The following TAFA2 variants were observed in gnomAD, a reference collection of about 807,000 sequenced individuals.
TAFA2 encodes the protein TAFA chemokine like family member 2.
Under a neutral mutation model 18.8 loss-of-function variants are expected in TAFA2, and 7 were observed. That is an observed-to-expected ratio of 0.37 (90% CI 0.21 to 0.70). The LOEUF (loss-of-function observed/expected upper bound fraction) is 0.70, where lower values mean the gene tolerates loss of function less well. Among genes scored for constraint, TAFA2 ranks in the 30% least tolerant of loss-of-function variants. TAFA2 has a pLI of 0.53. For missense variants in TAFA2, 122 were observed against 158.1 expected, an observed-to-expected ratio of 0.77 and a Z score of 1.23; for synonymous variants, 60 against 54.2, an observed-to-expected ratio of 1.11 and a Z score of -0.47.
chr12:62,166,457 A>G (rs1385857915), intron 1 of TAFA2, among the ~76,000 whole-genome samples: 1 of 152,178 alleles, frequency 6.6e-6, no homozygotes, highest in Non-Finnish European at 1.5e-5. Flanking sequence ...TTGTTGCACT[A>G]TTTAATAATA....
At chr12:61,887,966 AAC>A (rs1368873296) in intron 1 of TAFA2, among the ~76,000 whole-genome samples, 3 of 152,074 alleles carry the variant, frequency 2.0e-5, no homozygotes, top group Admixed American at 2.0e-4. Context: ...GCAGCCAAAA[AAC>A]ACATGAAAAA....
intron 1 of TAFA2, chr12:61,880,522 C>A (rs1248211688): frequency 9.7e-6 from 5 of 514,600 alleles, no homozygotes; most frequent in African/African-American, 2.0e-5. Flanking sequence ...GTGAAGAGAG[C>A]TGGCAAGAGT....
intron 1 of TAFA2, among the ~76,000 whole-genome samples, chr12:61,887,098 G>T (rs766133568): frequency 6.6e-6 from 1 of 152,216 alleles, no homozygotes; most frequent in Non-Finnish European, 1.5e-5. Flanking sequence ...TAACTAGGCA[G>T]GCTGCCATAT....
intron 1 of TAFA2, among the ~76,000 whole-genome samples, chr12:62,221,946 C>T (rs2136979161): frequency 6.6e-6 from 1 of 152,192 alleles, no homozygotes; most frequent in South Asian, 2.1e-4. Context: ...TGCTAGTATT[C>T]AAACTCTTAG....
chr12:62,131,535 G>A (rs2136894773), intron 1 of TAFA2, among the ~76,000 whole-genome samples: 1 of 152,112 alleles, frequency 6.6e-6, no homozygotes, highest in East Asian at 1.9e-4. Flanking sequence ...ACTCCAGATT[G>A]GCTTCCCAGG....
chr12:61,861,119 T>A (rs908594967), intron 2 of TAFA2, among the ~76,000 whole-genome samples: 5 of 151,996 alleles, frequency 3.3e-5, no homozygotes, highest in Admixed American at 6.6e-5. Context: ...CCTGGCTAAT[T>A]TTTTTATTTT....
intron 2 of TAFA2, among the ~76,000 whole-genome samples, chr12:61,797,671 A>T (rs542698122): frequency 1.3e-5 from 2 of 152,336 alleles, no homozygotes; most frequent in South Asian, 4.1e-4. Context: ...TTATTCAATC[A>T]GTGCTTCGGC....
intron 1 of TAFA2, among the ~76,000 whole-genome samples, chr12:62,067,504 T>C (rs1266421093): frequency 6.6e-6 from 1 of 152,020 alleles, no homozygotes. Context: ...TGAAGAGAGA[T>C]AGAGGTAAGT....
chr12:61,829,876 C>T (rs1872654020), intron 2 of TAFA2, among the ~76,000 whole-genome samples: 1 of 151,632 alleles, frequency 6.6e-6, no homozygotes, highest in African/African-American at 2.4e-5. Flanking sequence ...AGAAAAATGT[C>T]CTACCTCAAA....
intron 2 of TAFA2, among the ~76,000 whole-genome samples, chr12:61,779,512 C>T (rs2120878957): frequency 6.6e-6 from 1 of 151,948 alleles, no homozygotes. Context: ...TTTACAACCA[C>T]CACAGCCTAT....
chr12:62,254,655 A>T (rs1417375401), intron 1 of TAFA2, among the ~76,000 whole-genome samples: 1 of 152,196 alleles, frequency 6.6e-6, no homozygotes, highest in Admixed American at 6.5e-5. Context: ...TTATGAAATC[A>T]CTAGACTTGT....
Position 61,867,386 on chromosome 12 carries a change from G to C in TAFA2, c.40C>G (p.Leu14Val). 1 of 1,608,606 alleles carries C rather than the reference G, an allele frequency of 6.2e-7. No homozygotes were observed. The highest frequency in any genetic ancestry group is 8.5e-7 in the Non-Finnish European group (1 of 1,176,090). Residue 14 changes from leucine to valine, a missense_variant, in exon 2 of 5, where the codon CTG (leucine) becomes GTG (valine). Transcript: ENST00000416284. ...RYLQKATKGKLLIIIFIVTLW... is the reference protein window; with the variant it reads ...RYLQKATKGKVLIIIFIVTLW... Reference sequence around the variant, plus strand: ...GTTACAATAAATATTATTATTAGCAGTTTTCCTTTTGTTGCTTTCTGTAAG... The same window carrying C: ...GTTACAATAAATATTATTATTAGCACTTTTCCTTTTGTTGCTTTCTGTAAG...
chr12:62,247,205 G>T (rs1247249784), intron 1 of TAFA2, among the ~76,000 whole-genome samples: 10 of 151,848 alleles, frequency 6.6e-5, no homozygotes, highest in Non-Finnish European at 1.3e-4. Context: ...TTTTTAACAT[G>T]CTTGTCTTAA....
intron 1 of TAFA2, among the ~76,000 whole-genome samples, chr12:62,041,984 T>G (rs1303573212): frequency 6.6e-6 from 1 of 152,144 alleles, no homozygotes; most frequent in Non-Finnish European, 1.5e-5. Flanking sequence ...ATGCTTATTT[T>G]CAGAATCCCA....
intron 2 of TAFA2, 123 bp from the exon 3 acceptor site, chr12:61,755,147 A>G: frequency 6.4e-6 from 5 of 781,726 alleles, no homozygotes; most frequent in Non-Finnish European, 9.9e-6. Flanking sequence ...ATGAAACGAG[A>G]AATACAATGA....
chr12:62,139,656 T>A (rs1435223107), intron 1 of TAFA2, among the ~76,000 whole-genome samples: 1 of 152,154 alleles, frequency 6.6e-6, no homozygotes, highest in Non-Finnish European at 1.5e-5. Context: ...GTAGCATGCA[T>A]CTTAGTAACA....
intron 1 of TAFA2, among the ~76,000 whole-genome samples, chr12:62,085,652 C>T (rs988438429): frequency 1.3e-5 from 2 of 152,010 alleles, no homozygotes; most frequent in Admixed American, 6.6e-5. Context: ...TCCATGATCT[C>T]ATTGAGCAAA....
chr12:62,135,243 A>T (rs1024219349), intron 1 of TAFA2, among the ~76,000 whole-genome samples: 1 of 152,052 alleles, frequency 6.6e-6, no homozygotes, highest in Non-Finnish European at 1.5e-5. Context: ...GTTGTCAACA[A>T]CATCCTATTG....
chr12:61,950,943 T>C (rs1188597098), intron 1 of TAFA2, among the ~76,000 whole-genome samples: 1 of 152,144 alleles, frequency 6.6e-6, no homozygotes, highest in Non-Finnish European at 1.5e-5. Context: ...ATATGCTTTA[T>C]AGGAAAGGTA....
Sources: gnomAD v4.1 joint callset for allele counts (sites outside exome capture counted in the v4.1 genomes callset) on GRCh38, gnomAD v4.1.1 for gene constraint, MANE v1.5 for transcripts, NCBI Gene and HGNC (gene_info 2026-07-23, HGNC 2026-07-21) for gene names.